The following ROR1 variants were observed in gnomAD, a reference collection of about 807,000 sequenced individuals.
The protein encoded by ROR1 is inactive tyrosine-protein kinase transmembrane receptor ROR1.
ROR1 carries 19 observed loss-of-function variants against 78.8 expected under a neutral mutation model. The observed-to-expected ratio is 0.24, with a 90% CI of 0.17 to 0.35. ROR1 has a LOEUF of 0.35. ROR1 is among the 10% of genes least tolerant of loss of function. The pLI is 1.00. For missense variants in ROR1, 917 were observed against 1,177.8 expected, an observed-to-expected ratio of 0.78 and a Z score of 3.24; for synonymous variants, 386 against 433.6, an observed-to-expected ratio of 0.89 and a Z score of 1.36.
Position 63,991,138 on chromosome 1 carries a change from T to A in ROR1, c.92-18167T>A, listed in dbSNP as rs551370546. On this transcript the variant is annotated intron_variant, in intron 1 of 8. Coordinates refer to ENST00000371079, the MANE Select transcript of ROR1 (RefSeq NM_005012.4). ...TGTTTTGTTTTGCTTTTTTGTAGAG[T>A]CAGGGTCTCACTATGCTATCTAAGC... Among the ~76,000 whole-genome samples, 12 of 151,852 alleles carry A rather than the reference T, an allele frequency of 7.9e-5. No individual in the cohort carries two copies. The East Asian group carries it at 1.8e-3, about 22-fold the overall frequency.
chr1:64,049,577 C>A (rs2100590812), intron 2 of ROR1, 114 bp from the exon 3 acceptor site: 1 of 877,882 alleles, frequency 1.1e-6, no homozygotes, highest in Admixed American at 2.2e-5. Flanking sequence ...GTCTCACCTG[C>A]CTCTCCTGCT....
intron 4 of ROR1, among the ~76,000 whole-genome samples, chr1:64,097,517 C>T (rs1029152645): frequency 9.9e-5 from 15 of 151,876 alleles, no homozygotes; most frequent in African/African-American, 3.4e-4. Context: ...CTGTTTATCA[C>T]AGACAAGATT....
At chr1:64,156,646 G>T (rs1649779417) in intron 7 of ROR1, among the ~76,000 whole-genome samples, 1 of 144,478 alleles carries the variant, frequency 6.9e-6, no homozygotes, top group African/African-American at 2.6e-5. Context: ...GGCGGACGTT[G>T]CAGTGAGCCG....
At chr1:63,884,200 C>G (rs1162236658) in intron 1 of ROR1, among the ~76,000 whole-genome samples, 1 of 152,198 alleles carries the variant, frequency 6.6e-6, no homozygotes. Context: ...GATGTCCCCT[C>G]TTGGGTGATT....
chr1:64,065,784 C>A (rs1015690386), intron 4 of ROR1, among the ~76,000 whole-genome samples: 7 of 152,182 alleles, frequency 4.6e-5, no homozygotes, highest in Admixed American at 6.5e-5. Flanking sequence ...ACTCATACAT[C>A]CTACCCCAAA....
chr1:64,002,506 C>T (rs1159839813), intron 1 of ROR1, among the ~76,000 whole-genome samples: 1 of 152,106 alleles, frequency 6.6e-6, no homozygotes, highest in African/African-American at 2.4e-5. Flanking sequence ...AAGTCAATCT[C>T]TATAGTTCCA....
chr1:63,915,009 T>C (rs1297280139), intron 1 of ROR1, among the ~76,000 whole-genome samples: 2 of 152,210 alleles, frequency 1.3e-5, no homozygotes, highest in African/African-American at 4.8e-5. Context: ...ACCACTGTGT[T>C]CATAGCTACC....
intron 3 of ROR1, 101 bp from the exon 4 acceptor site, chr1:64,050,585 G>A: frequency 9.2e-7 from 1 of 1,091,720 alleles, no homozygotes; most frequent in South Asian, 1.3e-5. Context: ...ACTACCTCTG[G>A]GTGGTTGAGA....
intron 4 of ROR1, among the ~76,000 whole-genome samples, chr1:64,054,950 G>T (rs1646862495): frequency 6.6e-6 from 1 of 152,036 alleles, no homozygotes; most frequent in Non-Finnish European, 1.5e-5. Flanking sequence ...CTCTGCCTTG[G>T]TGTTCACATG....
At chr1:64,027,283 C>T (rs995905870) in intron 2 of ROR1, among the ~76,000 whole-genome samples, 8 of 152,218 alleles carry the variant, frequency 5.3e-5, no homozygotes, top group Admixed American at 5.2e-4. Context: ...TTTCCAGATC[C>T]TTCCCTCATA....
chr1:64,177,356 C>T, intron 8 of ROR1, 72 bp from the exon 9 acceptor site: 3 of 1,112,462 alleles, frequency 2.7e-6, no homozygotes, highest in Non-Finnish European at 2.6e-6. Flanking sequence ...ATGCCCCGTC[C>T]CTCCTTTCGG....
At chr1:63,994,624 G>A in intron 1 of ROR1, among the ~76,000 whole-genome samples, 1 of 152,160 alleles carries the variant, frequency 6.6e-6, no homozygotes, top group East Asian at 1.9e-4. Context: ...CTCACAGTGT[G>A]GGACGGTGAC....
intron 1 of ROR1, among the ~76,000 whole-genome samples, chr1:63,830,932 CA>C (rs1644984291): frequency 6.6e-6 from 1 of 152,170 alleles, no homozygotes. Flanking sequence ...TTGGTCAAAA[CA>C]AAGGGGCTGC....
At chr1:63,841,018 TTTTCTATGAGTA>T (rs1391159942) in intron 1 of ROR1, among the ~76,000 whole-genome samples, 6 of 152,168 alleles carry the variant, frequency 3.9e-5, no homozygotes, top group African/African-American at 7.2e-5. Flanking sequence ...ACTGAGTGGT[TTTTCTATGAGTA>T]TTTCTATGAG....
intron 1 of ROR1, among the ~76,000 whole-genome samples, chr1:63,981,401 G>A (rs915418171): frequency 2.0e-5 from 3 of 152,178 alleles, no homozygotes; most frequent in Non-Finnish European, 4.4e-5. Flanking sequence ...GAAGGCTGAA[G>A]CTTCCCAGGT....
chr1:64,013,038 G>A (rs1041105326), intron 2 of ROR1, among the ~76,000 whole-genome samples: 3 of 152,130 alleles, frequency 2.0e-5, no homozygotes, highest in African/African-American at 4.8e-5. Flanking sequence ...CTTTTAGCAA[G>A]CCTCTCAACC....
chr1:63,876,322 T>C (rs1309065784), intron 1 of ROR1, among the ~76,000 whole-genome samples: 5 of 152,146 alleles, frequency 3.3e-5, no homozygotes, highest in Non-Finnish European at 7.4e-5. Flanking sequence ...TCCTGGGACA[T>C]GTGCATTATT....
chr1:64,156,090 C>T (rs1486601380), intron 7 of ROR1, among the ~76,000 whole-genome samples: 1 of 152,152 alleles, frequency 6.6e-6, no homozygotes, highest in African/African-American at 2.4e-5. Flanking sequence ...AAAACTTTTA[C>T]CTGTGAATCC....
At chr1:64,004,198 C>T (rs1347638462) in intron 1 of ROR1, among the ~76,000 whole-genome samples, 1 of 152,236 alleles carries the variant, frequency 6.6e-6, no homozygotes, top group Non-Finnish European at 1.5e-5. Context: ...GCCTCACTTG[C>T]TTCCTCTGAA....
Sources: allele counts gnomAD v4.1 joint callset (sites outside exome capture counted in the v4.1 genomes callset), GRCh38; gene constraint gnomAD v4.1.1; transcripts MANE v1.5; gene names NCBI Gene and HGNC (gene_info 2026-07-23, HGNC 2026-07-21).